The following EPHA4 variants were observed in gnomAD, a reference collection of about 807,000 sequenced individuals.
The protein encoded by EPHA4 is ephrin type-A receptor 4.
Under a neutral mutation model 108.3 loss-of-function variants are expected in EPHA4, and 19 were observed. That is an observed-to-expected ratio of 0.18 (90% CI 0.12 to 0.26). The LOEUF (loss-of-function observed/expected upper bound fraction) is 0.26. Ranked by LOEUF, EPHA4 falls within the 10% of genes least tolerant of loss-of-function variation. The pLI is 1.00. For missense variants in EPHA4, 917 were observed against 1,254.0 expected, an observed-to-expected ratio of 0.73 and a Z score of 4.06; for synonymous variants, 449 against 455.5, an observed-to-expected ratio of 0.99 and a Z score of 0.18.
intron 3 of EPHA4, among the ~76,000 whole-genome samples, chr2:221,561,916 C>A (rs897810848): frequency 6.6e-6 from 1 of 152,060 alleles, no homozygotes; most frequent in Non-Finnish European, 1.5e-5. Flanking sequence ...TGAAGATGTG[C>A]GGCTCCTGTC....
intron 3 of EPHA4, among the ~76,000 whole-genome samples, chr2:221,555,470 A>G (rs1694278184): frequency 6.6e-6 from 1 of 152,216 alleles, no homozygotes. Flanking sequence ...TCACCCAGAA[A>G]AGGCTGAGGT....
intron 1 of EPHA4, among the ~76,000 whole-genome samples, chr2:221,569,014 A>G (rs1694752505): frequency 6.6e-6 from 1 of 152,178 alleles, no homozygotes; most frequent in Admixed American, 6.5e-5. Context: ...TTAAAATTCC[A>G]TCCTAGGACT....
At chr2:221,434,085 T>C in intron 14 of EPHA4, 57 bp downstream of exon 14, 1 of 1,565,470 alleles carries the variant, frequency 6.4e-7, no homozygotes, top group South Asian at 1.2e-5. Context: ...CATACAGTAA[T>C]GCAGAACTTC....
intron 5 of EPHA4, among the ~76,000 whole-genome samples, chr2:221,462,196 T>C (rs1355980963): frequency 1.3e-5 from 2 of 152,004 alleles, no homozygotes; most frequent in Non-Finnish European, 2.9e-5. Flanking sequence ...GACAGTAGCA[T>C]GGTTAAAGAA....
In EPHA4 at chr2:221,564,328, T is replaced by A; in HGVS notation, c.226A>T (p.Met76Leu). 6.2e-7 allele frequency: 1 copy of A among 1,614,132 alleles called. No homozygotes were observed. The highest frequency in any genetic ancestry group is 8.5e-7 in the Non-Finnish European group (1 of 1,180,018). ...AGCCAGTTATTCTGGCTGGGTTCCA[T>A]CACATTGCACACTTGGTAGGTTCGG... Reference protein sequence around the residue: ...PIRTYQVCNVMEPSQNNWLRT... With the variant: ...PIRTYQVCNVLEPSQNNWLRT... Residue 76 changes from methionine (M) to leucine (L), a missense_variant, in exon 3 of 18, where the codon ATG becomes TTG. Physicochemically the swap from Met to Leu is conservative, Grantham distance 15. This residue lies in a region of EPHA4 where 758 missense variants were observed against 1,076.7 expected (regional missense o/e 0.70). Coordinates refer to ENST00000281821, the MANE Select transcript of EPHA4 (RefSeq NM_004438.5).
rs527593424 is a variant in EPHA4 at position 221,542,347 on chromosome 2, C to T, written c.823+21384G>A. On this transcript the variant is annotated intron_variant, in intron 3 of 17. Transcript: ENST00000281821. ...ACTGCTAGTACAGGCATTTAGATGA[C>T]CCAGTTTCAAGGTGATAGAGCTCAG... Among the ~76,000 whole-genome samples the T allele has an allele frequency of 7.2e-5, 11 of 152,212 alleles. No homozygotes were observed. In the East Asian group the frequency reaches 1.5e-3, roughly 21 times the overall value.
At chr2:221,497,919 T>G (rs182172724) in intron 4 of EPHA4, among the ~76,000 whole-genome samples, 6 of 152,320 alleles carry the variant, frequency 3.9e-5, no homozygotes, top group Admixed American at 6.5e-5. Flanking sequence ...AATGTTACTT[T>G]AATTTTTAGA....
At chr2:221,516,424 G>C (rs572039405) in intron 3 of EPHA4, among the ~76,000 whole-genome samples, 1 of 149,062 alleles carries the variant, frequency 6.7e-6, no homozygotes, top group Non-Finnish European at 1.5e-5. Flanking sequence ...GCACGATCTC[G>C]GCTCACTGCA....
At chr2:221,499,246 TATA>T (rs1692399353) in intron 4 of EPHA4, among the ~76,000 whole-genome samples, 1 of 147,928 alleles carries the variant, frequency 6.8e-6, no homozygotes, top group African/African-American at 2.5e-5. Context: ...ATAATATAAA[TATA>T]ATAATAATAT....
At chr2:221,531,900 A>G (rs1248381321) in intron 3 of EPHA4, among the ~76,000 whole-genome samples, 1 of 152,192 alleles carries the variant, frequency 6.6e-6, no homozygotes, top group Non-Finnish European at 1.5e-5. Context: ...TTTGCTGAGC[A>G]AAGGGATGAC....
intron 2 of EPHA4, among the ~76,000 whole-genome samples, chr2:221,568,412 C>T (rs1399155472): frequency 6.6e-6 from 1 of 152,102 alleles, no homozygotes; most frequent in African/African-American, 2.4e-5. Context: ...GGCATAAATT[C>T]TAATTTGGTC....
At chr2:221,514,387 G>C (rs1409947019) in intron 3 of EPHA4, among the ~76,000 whole-genome samples, 1 of 152,160 alleles carries the variant, frequency 6.6e-6, no homozygotes, top group Admixed American at 6.6e-5. Context: ...GGGCACAAAA[G>C]GTTAGTGTTT....
chr2:221,476,055 CTAAAAAA>C (rs1466204714), intron 5 of EPHA4, among the ~76,000 whole-genome samples: 6 of 152,112 alleles, frequency 3.9e-5, no homozygotes. Flanking sequence ...CCCATCTCTA[CTAAAAAA>C]TAGAAAACTT....
At chr2:221,506,962 C>G (rs1692649877) in intron 3 of EPHA4, among the ~76,000 whole-genome samples, 1 of 152,118 alleles carries the variant, frequency 6.6e-6, no homozygotes, top group African/African-American at 2.4e-5. Context: ...GAGAACATTT[C>G]ACTTAATTTG....
chr2:221,512,495 A>G lies in EPHA4; in HGVS notation c.824-11323T>C, dbSNP rs10181283. On this transcript the variant is annotated intron_variant, in intron 3 of 17. Transcript: ENST00000281821. ...AACTTGATTGCCCAGGACATTTCAC[A>G]GAGGATCAAGCTTTTTGATGAGTTG... 5.3e-3 allele frequency among the ~76,000 whole-genome samples: 806 copies of G among 152,334 alleles called. 8 individuals are homozygous for G. Among genetic ancestry groups the G allele is most frequent in the African/African-American group, 0.018 (769 of 41,576 alleles).
intron 14 of EPHA4, among the ~76,000 whole-genome samples, chr2:221,433,917 CGTAT>C (rs1355725841): frequency 3.3e-5 from 5 of 152,122 alleles, no homozygotes; most frequent in African/African-American, 4.8e-5. Context: ...AATCTATGTG[CGTAT>C]GTATCTATCT....
intron 5 of EPHA4, among the ~76,000 whole-genome samples, chr2:221,465,287 T>A (rs1691269414): frequency 6.6e-6 from 1 of 152,198 alleles, no homozygotes; most frequent in South Asian, 2.1e-4. Flanking sequence ...TTTGGTTTAA[T>A]AGAAGACGAA....
intron 3 of EPHA4, among the ~76,000 whole-genome samples, chr2:221,501,593 T>A (rs1187750868): frequency 2.0e-5 from 3 of 152,192 alleles, no homozygotes; most frequent in Non-Finnish European, 2.9e-5. Flanking sequence ...AGACCATACA[T>A]CTGCTAAGTG....
At chr2:221,492,924 A>G (rs1433306314) in intron 4 of EPHA4, among the ~76,000 whole-genome samples, 1 of 152,244 alleles carries the variant, frequency 6.6e-6, no homozygotes, top group East Asian at 1.9e-4. Flanking sequence ...TGCAAATTTG[A>G]TAAATGACAT....
Sources: gnomAD v4.1 joint callset for allele counts (sites outside exome capture counted in the v4.1 genomes callset) on GRCh38, gnomAD v4.1.1 for gene constraint, gnomAD v4.1.1 regional missense constraint, MANE v1.5 for transcripts, NCBI Gene and HGNC (gene_info 2026-07-23, HGNC 2026-07-21) for gene names.